The following CDH26 variants were observed in gnomAD, a reference collection of about 807,000 sequenced individuals.
CDH26 encodes the protein cadherin-like protein 26.
In CDH26, 83 loss-of-function variants were observed where a neutral mutation model predicts 90.3. The observed-to-expected ratio is 0.92, with a 90% CI of 0.77 to 1.10. CDH26 has a LOEUF of 1.10. Ranked by LOEUF, CDH26 falls within the 50% of genes least tolerant of loss-of-function variation. The pLI, the probability that CDH26 is intolerant of heterozygous loss-of-function variation, is 0.00. For missense variants in CDH26, 1,013 were observed against 1,037.6 expected, an observed-to-expected ratio of 0.98 and a Z score of 0.33; for synonymous variants, 397 against 396.3, an observed-to-expected ratio of 1.00 and a Z score of -0.02.
Position 59,992,283 on chromosome 20 carries a change from G to A in CDH26, c.1284-95G>A. On this transcript the variant is annotated intron_variant, in intron 9 of 17. Transcript: ENST00000348616. The surrounding 1 kb of genome is among the most constrained non-coding windows in gnomAD (Gnocchi z 5.0). ...TCAAATTACTTGTGGTAGAAATAGTGTTTCTATGACATATTTTGTTTTTTT... is the reference window on the plus strand; with the variant it reads ...TCAAATTACTTGTGGTAGAAATAGTATTTCTATGACATATTTTGTTTTTTT... 8.7e-7 allele frequency: 1 copy of A among 1,148,352 alleles called. No individual in the cohort carries two copies. Among genetic ancestry groups the A allele is most frequent in the Non-Finnish European group, 1.2e-6 (1 of 807,844 alleles). 71.1% of individuals were successfully genotyped at this position (1,148,352 alleles called of 1,614,324 possible).
Position 59,994,249 on chromosome 20 carries a change from G to C in CDH26, c.1427-1G>C, listed in dbSNP as rs558174586. 1 of 1,613,622 alleles carries C rather than the reference G, an allele frequency of 6.2e-7. No individual in the cohort carries two copies. Among genetic ancestry groups the C allele is most frequent in the Admixed American group, 1.7e-5 (1 of 59,952 alleles). ...CTCCTGAAACTTCCTCCCCATACAAGGCTTCCCACCGCAGACTGCTACAGG... is the reference window on the plus strand; with the variant it reads ...CTCCTGAAACTTCCTCCCCATACAACGCTTCCCACCGCAGACTGCTACAGG... On this transcript the variant is annotated splice_acceptor_variant, in intron 10 of 17. Coordinates refer to ENST00000348616, the MANE Select transcript of CDH26 (RefSeq NM_177980.4). LOFTEE classifies it high-confidence loss of function.
At chr20:59,997,230 G>C (rs2061609536) in intron 13 of CDH26, among the ~76,000 whole-genome samples, 1 of 152,256 alleles carries the variant, frequency 6.6e-6, no homozygotes, top group African/African-American at 2.4e-5. Context: ...AGTTAAATGA[G>C]TCTGAGCTGG....
exon 9 of CDH26, chr20:60,033,999 A>T (rs1342484971): frequency 5.4e-6 from 1 of 184,792 alleles, no homozygotes; most frequent in Non-Finnish European, 1.1e-5. Flanking sequence ...TTAAAAAAGC[A>T]ACTAGCATGT....
intron 7 of CDH26, among the ~76,000 whole-genome samples, chr20:60,024,110 T>A (rs2061979152): frequency 6.6e-6 from 1 of 152,236 alleles, no homozygotes; most frequent in South Asian, 2.1e-4. Context: ...TTTGAAAAAC[T>A]GTTTTACCAA....
chr20:60,027,538 A>C (rs764550059), intron 7 of CDH26, among the ~76,000 whole-genome samples: 5 of 152,072 alleles, frequency 3.3e-5, no homozygotes, highest in Non-Finnish European at 5.9e-5. Flanking sequence ...TTTACCCCTA[A>C]ATACTTTGCC....
chr20:60,019,911 G>A (rs1042837743), intron 7 of CDH26, among the ~76,000 whole-genome samples: 1 of 152,144 alleles, frequency 6.6e-6, no homozygotes, highest in Admixed American at 6.5e-5. Flanking sequence ...GGGGTGCATT[G>A]GCTTTGATTC....
chr20:60,031,423 G>T lies in CDH26; in HGVS notation c.1141G>T (p.Glu381Ter), dbSNP rs547832324. The change falls in exon 8 of 9, where the codon GAA becomes TAA. Residue 381 changes from glutamate to a stop codon, truncating the protein, a stop_gained. Transcript: ENST00000370991. LOFTEE classifies it low-confidence loss of function (END_TRUNC). Reference sequence around the variant, plus strand: ...CAAGAAAGTTGTTTATGACCACAAGGAAGGTTTGAGTCTCTATATTTTTGC... The same window carrying T: ...CAAGAAAGTTGTTTATGACCACAAGTAAGGTTTGAGTCTCTATATTTTTGC... 19 of 1,152,790 alleles carry T rather than the reference G, an allele frequency of 1.6e-5. No individual in the cohort carries two copies. In the Admixed American group the frequency reaches 2.1e-4, roughly 13 times the overall value. 71.4% of individuals were successfully genotyped at this position (1,152,790 alleles called of 1,614,324 possible). A position where few individuals can be genotyped will look rare whatever the true frequency, so the allele number is the denominator to read the frequency against.
rs183852317 is a variant in CDH26 at position 59,959,734 on chromosome 20, A to G, written c.69+939A>G. Among the ~76,000 whole-genome samples the G allele has an allele frequency of 2.0e-5, 3 of 152,270 alleles. No homozygotes were observed. In the East Asian group the frequency reaches 5.8e-4, roughly 29 times the overall value. The stretch of plus-strand genomic sequence containing the variant: ...AATGATACTTCTGTTCACACTTTAC[A>G]TAAGATTGAGGAAATCTCAGTTGTC... On this transcript the variant is annotated intron_variant, in intron 1 of 17. Coordinates refer to ENST00000348616, the MANE Select transcript of CDH26 (RefSeq NM_177980.4).
At chr20:59,966,453 T>G (rs1429286498) in intron 1 of CDH26, among the ~76,000 whole-genome samples, 21 of 152,190 alleles carry the variant, frequency 1.4e-4, no homozygotes, top group Admixed American at 1.4e-3. Flanking sequence ...TCTCAAGCGA[T>G]TACAGTAATT....
intron 8 of CDH26, among the ~76,000 whole-genome samples, chr20:60,031,774 C>T (rs995181790): frequency 5.9e-5 from 9 of 152,148 alleles, no homozygotes; most frequent in Non-Finnish European, 8.8e-5. Context: ...AGCTGGGTGG[C>T]GGCCACTGTC....
In CDH26 at chr20:59,985,113, C is replaced by T; in HGVS notation, c.821C>T (p.Ala274Val). 6.2e-7 allele frequency: 1 copy of T among 1,613,514 alleles called. No individual in the cohort carries two copies. Among genetic ancestry groups the T allele is most frequent in the Non-Finnish European group, 8.5e-7 (1 of 1,179,912 alleles). The change falls in exon 7 of 18, where the codon GCA (alanine) becomes GTA (valine). Residue 274 changes from alanine to valine, a missense_variant. Ala to Val is a moderately conservative substitution (Grantham distance 64). Transcript: ENST00000348616. The stretch of plus-strand genomic sequence containing the variant: ...CAAGAAGGCAACAACCACAGGCCTG[C>T]ATTTACCCAGGAGAACGTGAGGCTC... ...DVQEGNNHRP[A>V]FTQENYKVQI... is the part of the protein sequence containing the mutation.
chr20:60,001,994 C>G (rs902299804), intron 15 of CDH26, among the ~76,000 whole-genome samples: 2 of 152,160 alleles, frequency 1.3e-5, no homozygotes, highest in African/African-American at 4.8e-5. Context: ...TGGGCTTTGG[C>G]ACAACACTGT....
intron 4 of CDH26, among the ~76,000 whole-genome samples, chr20:59,975,267 AAGAG>A (rs1357914827): frequency 6.6e-6 from 1 of 152,166 alleles, no homozygotes; most frequent in African/African-American, 2.4e-5. Context: ...TTTTTAGAAG[AAGAG>A]AGAATCTTTG....
chr20:59,977,950 C>T (rs1001055743), intron 4 of CDH26, among the ~76,000 whole-genome samples: 22 of 152,216 alleles, frequency 1.4e-4, no homozygotes, highest in Non-Finnish European at 2.9e-5. Context: ...CCCCTGGCAA[C>T]CACTGGTCTT....
rs1048940129 is a variant in CDH26, at chr20:60,013,839, C to T, written c.*1109C>T. On this transcript the variant is annotated 3_prime_UTR_variant, in exon 18 of 18. Coordinates refer to ENST00000348616, the MANE Select transcript of CDH26 (RefSeq NM_177980.4). The stretch of plus-strand genomic sequence containing the variant: ...CTTTTTAAGGAGATCTGGCCTTTTC[C>T]TACCTGGTTACCTCAGTCTTCCTCT... The T allele has an allele frequency of 2.0e-5, 3 of 152,062 alleles. No individual in the cohort carries two copies. Among genetic ancestry groups the T allele is most frequent in the African/African-American group, 7.2e-5 (3 of 41,388 alleles). 9.4% of individuals were successfully genotyped at this position (152,062 alleles called of 1,614,324 possible).
rs368425787 is a variant in CDH26, at chr20:59,967,965, T to A, written c.70-1002T>A. Among the ~76,000 whole-genome samples the A allele has an allele frequency of 8.3e-3, 447 of 53,676 alleles. 3 individuals are homozygous for A. The highest frequency in any genetic ancestry group is 0.033 in the East Asian group (30 of 900). 35.2% of individuals were successfully genotyped at this position (53,676 alleles called of 152,430 possible). ...TTTCTTTCTTTCTTTCTATCTTTCT[T>A]TCTTTCTTTCTTTCTTTCTTTCTTT... On this transcript the variant is annotated intron_variant, in intron 1 of 17. Transcript: ENST00000348616.
intron 8 of CDH26, chr20:60,033,385 C>T (rs1368600979): frequency 2.2e-5 from 27 of 1,228,940 alleles, no homozygotes; most frequent in East Asian, 5.8e-5. Context: ...CATACATGCA[C>T]GTGGCAAATA....
Position 59,999,669 on chromosome 20 carries a change from A to C in CDH26, c.2097+6A>C, listed in dbSNP as rs2061649927. On this transcript the variant is annotated splice_donor_region_variant and intron_variant, in intron 14 of 17. Coordinates refer to ENST00000348616, the MANE Select transcript of CDH26 (RefSeq NM_177980.4). ...GACCCACGCAGGGAGTTAAGGTAAC[A>C]TGCCCCTTACTTGCTTCTGGATTTC... 2 of 1,613,696 alleles carry C rather than the reference A, an allele frequency of 1.2e-6. No individual in the cohort carries two copies. Among genetic ancestry groups the C allele is most frequent in the African/African-American group, 2.7e-5 (2 of 74,916 alleles).
chr20:60,004,864 A>G (rs2061725876), intron 16 of CDH26, among the ~76,000 whole-genome samples: 1 of 152,020 alleles, frequency 6.6e-6, no homozygotes, highest in African/African-American at 2.4e-5. Context: ...AGCTTTATAT[A>G]TACGGCCTGT....
Sources: gnomAD v4.1 joint callset for allele counts (sites outside exome capture counted in the v4.1 genomes callset) on GRCh38, gnomAD v4.1.1 for gene constraint, Gnocchi (gnomAD v3.1) non-coding constraint, MANE v1.5 for transcripts, NCBI Gene and HGNC (gene_info 2026-07-23, HGNC 2026-07-21) for gene names.